The following TENM3 variants were observed in gnomAD, a reference collection of about 807,000 sequenced individuals.
TENM3 encodes the protein teneurin transmembrane protein 3, also known as teneurin-3.
TENM3 carries 63 observed loss-of-function variants against 255.1 expected under a neutral mutation model. That is an observed-to-expected ratio of 0.25 (90% CI 0.20 to 0.30). TENM3 has a LOEUF of 0.30. Among genes scored for constraint, TENM3 ranks in the 10% least tolerant of loss-of-function variants. The pLI, the probability that TENM3 is intolerant of heterozygous loss-of-function variation, is 1.00. For missense variants in TENM3, 2,929 were observed against 3,461.1 expected (o/e 0.85, Z 3.86); for synonymous variants, 1,306 against 1,322.3 (o/e 0.99, Z 0.27).
chr4:181,914,035 C>G, the TENM3 span, among the ~76,000 whole-genome samples: 1 of 152,310 alleles, frequency 6.6e-6, no homozygotes, highest in South Asian at 2.1e-4. Flanking sequence ...CTCTCAACTG[C>G]ACTTTCTACT....
intron 3 of TENM3, among the ~76,000 whole-genome samples, chr4:182,499,090 C>T (rs903947344): frequency 6.6e-6 from 1 of 152,068 alleles, no homozygotes. Flanking sequence ...TTACTTTGCA[C>T]AGTTTGTGGT....
the TENM3 span, among the ~76,000 whole-genome samples, chr4:181,968,937 G>C: frequency 1.3e-5 from 2 of 151,752 alleles, no homozygotes; most frequent in African/African-American, 4.8e-5. Context: ...CACATACTGT[G>C]AGCATTAACT....
the TENM3 span, among the ~76,000 whole-genome samples, chr4:181,721,937 G>A: frequency 8.6e-4 from 131 of 152,262 alleles, no homozygotes; most frequent in Non-Finnish European, 1.6e-3. Flanking sequence ...CGTGGGAGAT[G>A]CATGTGGACT....
At chr4:181,860,795 T>C in the TENM3 span, among the ~76,000 whole-genome samples, 1 of 152,156 alleles carries the variant, frequency 6.6e-6, no homozygotes, top group African/African-American at 2.4e-5. Context: ...GGAATCATAG[T>C]TTTTTTAACA....
At chr4:181,728,076 G>A in the TENM3 span, among the ~76,000 whole-genome samples, 1 of 152,168 alleles carries the variant, frequency 6.6e-6, no homozygotes, top group Admixed American at 6.5e-5. Flanking sequence ...TCTAGAGTCT[G>A]TAATAGACTC....
chr4:182,322,029 T>C (rs1763086063), intron 1 of TENM3, among the ~76,000 whole-genome samples: 1 of 152,154 alleles, frequency 6.6e-6, no homozygotes, highest in South Asian at 2.1e-4. Flanking sequence ...TTTTAATCCT[T>C]TGGTATAAAA....
chr4:182,431,105 G>A (rs1241541653), intron 3 of TENM3, among the ~76,000 whole-genome samples: 3 of 152,090 alleles, frequency 2.0e-5, no homozygotes, highest in Admixed American at 6.6e-5. Flanking sequence ...CTGATGAGGT[G>A]AGAAAAGGGG....
chr4:182,437,190 T>C (rs1156326303), intron 3 of TENM3, among the ~76,000 whole-genome samples: 1 of 152,224 alleles, frequency 6.6e-6, no homozygotes, highest in Admixed American at 6.5e-5. Flanking sequence ...AAATCGTATA[T>C]GCATTAAGAA....
intron 4 of TENM3, among the ~76,000 whole-genome samples, chr4:182,606,454 G>C (rs1469439176): frequency 2.7e-5 from 4 of 150,094 alleles, no homozygotes; most frequent in Non-Finnish European, 5.9e-5. Context: ...AACCCGGGAG[G>C]CAGTGGTTGC....
At chr4:181,640,999 A>G in the TENM3 span, among the ~76,000 whole-genome samples, 2 of 152,182 alleles carry the variant, frequency 1.3e-5, no homozygotes, top group African/African-American at 2.4e-5. Flanking sequence ...GTGCATGACA[A>G]CATAAACTTG....
chr4:182,291,514 G>T (rs544990208), intron 1 of TENM3, among the ~76,000 whole-genome samples: 10 of 152,102 alleles, frequency 6.6e-5, no homozygotes, highest in African/African-American at 2.2e-4. Flanking sequence ...CCCACGCAGC[G>T]CTGGATGCCT....
In TENM3 at chr4:182,605,484, T is replaced by TAAA. The variant is rs756985870; in HGVS notation, c.749+4323_749+4324insAAA. 1.1e-3 allele frequency among the ~76,000 whole-genome samples: 129 copies of TAAA among 114,672 alleles called. 2 individuals are homozygous for TAAA. Among genetic ancestry groups the TAAA allele is most frequent in the East Asian group, 6.8e-3 (34 of 5,018 alleles). 75.2% of individuals were successfully genotyped at this position (114,672 alleles called of 152,430 possible). A position where few individuals can be genotyped will look rare whatever the true frequency, so the allele number is the denominator to read the frequency against. ...TTAAAGTTTCACCATCATCATTTAT[T>TAAA]TAAAAAAAAAAAAAAAAGGGAAAGT... On this transcript the variant is annotated intron_variant, in intron 4 of 27. Coordinates refer to ENST00000511685, the MANE Select transcript of TENM3 (RefSeq NM_001080477.4).
chr4:182,679,284 T>C (rs1043519462), intron 7 of TENM3, among the ~76,000 whole-genome samples: 18 of 152,134 alleles, frequency 1.2e-4, no homozygotes, highest in African/African-American at 4.3e-4. Context: ...CTATTATATA[T>C]CAATTATGAA....
the TENM3 span, among the ~76,000 whole-genome samples, chr4:181,998,052 T>A: frequency 3.3e-5 from 5 of 152,216 alleles, no homozygotes; most frequent in Non-Finnish European, 5.9e-5. Context: ...AACAGTTCTG[T>A]GTGCGATATT....
intron 3 of TENM3, among the ~76,000 whole-genome samples, chr4:182,447,594 T>A (rs1333553287): frequency 1.3e-5 from 2 of 152,216 alleles, no homozygotes; most frequent in Non-Finnish European, 2.9e-5. Flanking sequence ...ATCTTACTGA[T>A]AAATGAAAAG....
chr4:182,043,467 C>T, the TENM3 span, among the ~76,000 whole-genome samples: 1 of 152,256 alleles, frequency 6.6e-6, no homozygotes, highest in African/African-American at 2.4e-5. Context: ...ATGCAATATA[C>T]ATGTAACCTA....
At chr4:181,877,190 A>G in the TENM3 span, 3 of 152,256 alleles carry the variant, frequency 2.0e-5, no homozygotes, top group Non-Finnish European at 4.4e-5. Flanking sequence ...TAGAGGGGGT[A>G]AACAATTTTT....
At chr4:182,221,933 A>T (rs1025367479) in intron 1 of TENM3, among the ~76,000 whole-genome samples, 3 of 152,100 alleles carry the variant, frequency 2.0e-5, no homozygotes, top group Admixed American at 1.3e-4. Context: ...GGAGAGTTTA[A>T]AAAAAAGCAT....
intron 2 of TENM3, among the ~76,000 whole-genome samples, chr4:182,330,108 T>C (rs570490735): frequency 6.6e-6 from 1 of 151,880 alleles, no homozygotes; most frequent in Non-Finnish European, 1.5e-5. Context: ...GCAGAGAAGA[T>C]ACTGTAGGAG....
Sources: allele counts gnomAD v4.1 joint callset (sites outside exome capture counted in the v4.1 genomes callset), GRCh38; gene constraint gnomAD v4.1.1; transcripts MANE v1.5; gene names NCBI Gene and HGNC (gene_info 2026-07-23, HGNC 2026-07-21).